Variants in NRG3 observed in about 807,000 individuals in gnomAD.
The protein encoded by NRG3 is neuregulin 3, also known as pro-neuregulin-3, membrane-bound isoform.
Under a neutral mutation model 66.9 loss-of-function variants are expected in NRG3, and 31 were observed. The ratio of observed to expected loss-of-function variants is 0.46; its 90% CI spans 0.35 to 0.63. The LOEUF (loss-of-function observed/expected upper bound fraction) is 0.63, where lower values mean the gene tolerates loss of function less well. Ranked by LOEUF, NRG3 falls within the 20% of genes least tolerant of loss-of-function variation. The pLI is 0.00. For synonymous variants in NRG3, 393 were observed against 359.4 expected, an observed-to-expected ratio of 1.09 and a Z score of -1.06; for missense variants, 910 against 878.9, an observed-to-expected ratio of 1.04 and a Z score of -0.45.
At chr10:82,034,854 GCACCTCCT>G (rs2062727949) in intron 1 of NRG3, among the ~76,000 whole-genome samples, 1 of 152,038 alleles carries the variant, frequency 6.6e-6, no homozygotes, top group Admixed American at 6.6e-5. Flanking sequence ...AGACCCCAGA[GCACCTCCT>G]ACGGTCTGGC....
intron 1 of NRG3, among the ~76,000 whole-genome samples, chr10:81,956,251 C>T (rs1424131451): frequency 6.6e-6 from 1 of 152,062 alleles, no homozygotes; most frequent in East Asian, 1.9e-4. Flanking sequence ...GATGCTTGCC[C>T]TGGGGCAAGC....
intron 3 of NRG3, among the ~76,000 whole-genome samples, chr10:82,849,200 G>C (rs1252444781): frequency 6.6e-6 from 1 of 152,176 alleles, no homozygotes; most frequent in Non-Finnish European, 1.5e-5. Flanking sequence ...AAGATGAAGG[G>C]AGAGATTGGG....
intron 1 of NRG3, among the ~76,000 whole-genome samples, chr10:81,913,448 G>C (rs1043688696): frequency 1.3e-5 from 2 of 151,028 alleles, no homozygotes; most frequent in African/African-American, 4.9e-5. Context: ...CTTTGAGACA[G>C]AGTCTCACTC....
At chr10:82,562,944 C>G (rs2045148831) in intron 2 of NRG3, among the ~76,000 whole-genome samples, 1 of 152,020 alleles carries the variant, frequency 6.6e-6, no homozygotes, top group African/African-American at 2.4e-5. Context: ...GTCACAAGGT[C>G]AAGTATAAAT....
intron 8 of NRG3, among the ~76,000 whole-genome samples, chr10:82,982,527 G>A (rs1853035270): frequency 6.6e-6 from 1 of 152,092 alleles, no homozygotes; most frequent in African/African-American, 2.4e-5. Context: ...AACTTCTGCT[G>A]GAATACCAGT....
intron 1 of NRG3, among the ~76,000 whole-genome samples, chr10:82,316,954 C>T (rs995754573): frequency 2.6e-5 from 4 of 152,160 alleles, no homozygotes; most frequent in African/African-American, 4.8e-5. Flanking sequence ...CTCTCCTCTT[C>T]AGTCTAGCTC....
Position 82,805,763 on chromosome 10 carries a change from C to T in NRG3, c.1028-59648C>T, listed in dbSNP as rs147780140. ...TGACTTGGGCAAATTGGCTAAGCAA[C>T]CTGAGCCTCTGGGCCTTTGTAAAAT... On this transcript the variant is annotated intron_variant, in intron 3 of 8. Transcript: ENST00000372141. Among the ~76,000 whole-genome samples, 293 of 152,264 alleles carry T rather than the reference C, an allele frequency of 1.9e-3. 3 individuals carry two copies. The highest frequency in any genetic ancestry group is 6.9e-3 in the African/African-American group (287 of 41,546).
intron 2 of NRG3, among the ~76,000 whole-genome samples, chr10:82,688,931 TG>T (rs1304533152): frequency 6.6e-6 from 1 of 152,144 alleles, no homozygotes; most frequent in Non-Finnish European, 1.5e-5. Flanking sequence ...CACAGATAGA[TG>T]GAGAGAAAGA....
At chr10:82,130,696 A>G (rs1328843776) in intron 1 of NRG3, among the ~76,000 whole-genome samples, 4 of 152,112 alleles carry the variant, frequency 2.6e-5, no homozygotes, top group Non-Finnish European at 5.9e-5. Flanking sequence ...CATTCTCGCC[A>G]GCATTTGTTA....
chr10:82,264,234 A>G (rs1199065817), intron 1 of NRG3, among the ~76,000 whole-genome samples: 1 of 152,196 alleles, frequency 6.6e-6, no homozygotes, highest in Non-Finnish European at 1.5e-5. Context: ...TAATGGACTC[A>G]CAGTTCCACA....
chr10:82,129,105 G>T (rs889004050), intron 1 of NRG3, among the ~76,000 whole-genome samples: 7 of 151,938 alleles, frequency 4.6e-5, no homozygotes, highest in Admixed American at 2.6e-4. Context: ...GAGAGACGGG[G>T]TTTCACCATT....
intron 1 of NRG3, among the ~76,000 whole-genome samples, chr10:81,990,856 T>C (rs527968858): frequency 6.6e-6 from 1 of 152,196 alleles, no homozygotes; most frequent in South Asian, 2.1e-4. Context: ...TTGCTTAAAA[T>C]TAAAAAAAAT....
At chr10:82,756,716 T>C (rs1420525653) in intron 3 of NRG3, among the ~76,000 whole-genome samples, 3 of 151,910 alleles carry the variant, frequency 2.0e-5, no homozygotes, top group Non-Finnish European at 4.4e-5. Flanking sequence ...AATGCAATAA[T>C]GATATGTAAC....
At chr10:82,976,267 G>C (rs2132616894) in intron 7 of NRG3, among the ~76,000 whole-genome samples, 1 of 152,200 alleles carries the variant, frequency 6.6e-6, no homozygotes, top group East Asian at 1.9e-4. Flanking sequence ...TGTTGGCCAG[G>C]CTGGTCTTGA....
intron 2 of NRG3, among the ~76,000 whole-genome samples, chr10:82,737,535 T>C (rs956678274): frequency 6.6e-6 from 1 of 152,188 alleles, no homozygotes; most frequent in Admixed American, 6.6e-5. Flanking sequence ...TTTTTAAATC[T>C]GATTTTTTTT....
chr10:82,486,682 G>A (rs1842704259), intron 2 of NRG3, among the ~76,000 whole-genome samples: 1 of 152,156 alleles, frequency 6.6e-6, no homozygotes, highest in Admixed American at 6.5e-5. Context: ...AAAGTGCTGG[G>A]ATTACAGGCG....
intron 2 of NRG3, among the ~76,000 whole-genome samples, chr10:82,424,241 G>T (rs1156482716): frequency 6.6e-6 from 1 of 151,952 alleles, no homozygotes; most frequent in African/African-American, 2.4e-5. Flanking sequence ...TTGCAAAGTG[G>T]CTCTAGCATT....
intron 2 of NRG3, among the ~76,000 whole-genome samples, chr10:82,520,045 A>G (rs547425004): frequency 1.1e-4 from 16 of 151,972 alleles, no homozygotes; most frequent in African/African-American, 3.9e-4. Context: ...GATGTGTGCT[A>G]TGGTAGATCA....
intron 2 of NRG3, among the ~76,000 whole-genome samples, chr10:82,637,241 G>A (rs951235393): frequency 5.9e-5 from 9 of 151,914 alleles, no homozygotes; most frequent in Middle Eastern, 3.4e-3. Context: ...CTTTTTAAAC[G>A]GCTCCTACTG....
Sources: gnomAD v4.1 joint callset for allele counts (sites outside exome capture counted in the v4.1 genomes callset) on GRCh38, gnomAD v4.1.1 for gene constraint, MANE v1.5 for transcripts, NCBI Gene and HGNC (gene_info 2026-07-23, HGNC 2026-07-21) for gene names.